Variants in AAGAB observed in about 807,000 individuals in gnomAD.
AAGAB encodes the protein alpha- and gamma-adaptin-binding protein p34.
AAGAB carries 38 observed loss-of-function variants against 44.1 expected under a neutral mutation model. The ratio of observed to expected loss-of-function variants is 0.86; its 90% CI spans 0.67 to 1.13. The LOEUF (loss-of-function observed/expected upper bound fraction) is 1.13, where lower values mean the gene tolerates loss of function less well. Ranked by LOEUF, AAGAB falls within the 50% of genes most tolerant of loss-of-function variation. The pLI is 0.00. For missense variants in AAGAB, 450 were observed against 373.8 expected, an observed-to-expected ratio of 1.20 and a Z score of -1.68; for synonymous variants, 131 against 131.8, an observed-to-expected ratio of 0.99 and a Z score of 0.04.
At chr15:67,229,607 G>A (rs1343843428) in intron 5 of AAGAB, among the ~76,000 whole-genome samples, 3 of 152,034 alleles carry the variant, frequency 2.0e-5, no homozygotes, top group Non-Finnish European at 4.4e-5. Flanking sequence ...AAGGAGGATG[G>A]AGAGAGGGGA....
Position 67,254,556 on chromosome 15 carries a change from C to A in AAGAB, c.73+3G>T, listed in dbSNP as rs745408900. On this transcript the variant is annotated splice_donor_region_variant and intron_variant, in intron 1 of 9. Transcript: ENST00000261880. ...AGGTCGGCCCAGGCGCCTATCTACT[C>A]ACGTTGGACCAGCTGGTCTCCTGAG... The A allele has an allele frequency of 6.2e-7, 1 of 1,606,408 alleles. No homozygotes were observed.
At chr15:67,218,935 A>G (rs1964009490) in intron 5 of AAGAB, among the ~76,000 whole-genome samples, 1 of 152,208 alleles carries the variant, frequency 6.6e-6, no homozygotes, top group African/African-American at 2.4e-5. Context: ...GAAAATTTCT[A>G]TGACTGGAGA....
rs2033783 is a variant in AAGAB at position 67,215,430 on chromosome 15, C to G, written c.536-5886G>C. Among the ~76,000 whole-genome samples the G allele has an allele frequency of 2.6e-5, 4 of 152,062 alleles. No individual in the cohort carries two copies. The South Asian group carries it at 8.3e-4, about 31-fold the overall frequency. ...ATTTCCATGACCACACCCCCCAACA[C>G]GCCTAACAGACCTCCTAGATATTTT... On this transcript the variant is annotated intron_variant, in intron 5 of 9. Coordinates refer to ENST00000261880, the MANE Select transcript of AAGAB (RefSeq NM_024666.5).
intron 1 of AAGAB, chr15:67,242,997 C>A (rs1186210609): frequency 6.6e-6 from 1 of 152,122 alleles, no homozygotes; most frequent in Non-Finnish European, 1.5e-5. Flanking sequence ...TCCACATGCT[C>A]GTAAGCTTTT....
chr15:67,234,612 C>G (rs1219303382), intron 4 of AAGAB, among the ~76,000 whole-genome samples: 1 of 152,116 alleles, frequency 6.6e-6, no homozygotes, highest in Non-Finnish European at 1.5e-5. Flanking sequence ...TCAAAAAACC[C>G]ATTTTAAGAT....
chr15:67,207,736 G>GT (rs1963718088), intron 7 of AAGAB, among the ~76,000 whole-genome samples: 1 of 152,096 alleles, frequency 6.6e-6, no homozygotes. Flanking sequence ...ACCCACTTCA[G>GT]TGTGATTACT....
At chr15:67,242,621 T>C (rs965976842) in intron 1 of AAGAB, 1 of 152,172 alleles carries the variant, frequency 6.6e-6, no homozygotes, top group Non-Finnish European at 1.5e-5. Context: ...ACTGCTCCAG[T>C]GGAAAGGGAC....
intron 3 of AAGAB, 22 bp downstream of exon 3, chr15:67,236,386 C>T: frequency 6.2e-7 from 1 of 1,601,524 alleles, no homozygotes; most frequent in Non-Finnish European, 8.6e-7. Context: ...GTACCAACTA[C>T]TGTCCCATCC....
At chr15:67,216,350 G>A (rs1963945521) in intron 5 of AAGAB, among the ~76,000 whole-genome samples, 1 of 148,038 alleles carries the variant, frequency 6.8e-6, no homozygotes, top group Admixed American at 6.9e-5. Flanking sequence ...GCTGACGCAG[G>A]AGAACTGCTT....
intron 6 of AAGAB, 63 bp downstream of exon 6, chr15:67,209,399 A>T (rs1054537703): frequency 3.1e-6 from 4 of 1,299,094 alleles, no homozygotes; most frequent in Non-Finnish European, 4.4e-6. Flanking sequence ...ATGTGTCAAG[A>T]TTCATAATGA....
At position 67,215,306 on chromosome 15, in the gene AAGAB, C is replaced by T. The variant is rs117437888; in HGVS notation, c.536-5762G>A. 1.7e-3 allele frequency among the ~76,000 whole-genome samples: 253 copies of T among 152,246 alleles called. 2 individuals are homozygous for T. Among genetic ancestry groups the T allele is most frequent in the Middle Eastern group, 3.4e-3 (1 of 294 alleles). ...TATACAGGAGAGATGCTGAAATATCCGCTGAATGTCTAATAGAACTGTCAG... is the reference window on the plus strand; with the variant it reads ...TATACAGGAGAGATGCTGAAATATCTGCTGAATGTCTAATAGAACTGTCAG... On this transcript the variant is annotated intron_variant, in intron 5 of 9. Coordinates refer to ENST00000261880, the MANE Select transcript of AAGAB (RefSeq NM_024666.5).
At position 67,209,463 on chromosome 15, in the gene AAGAB, T is replaced by A. The variant is rs781169916; in HGVS notation, c.617A>T (p.Glu206Val). The change falls in exon 6 of 10, where the codon GAG becomes GTG. Residue 206 changes from glutamate to valine, a missense_variant and splice_region_variant. Coordinates refer to ENST00000261880, the MANE Select transcript of AAGAB (RefSeq NM_024666.5). ...SIGSADPCHP[E>V]QPHLPAADST... is the part of the protein sequence containing the mutation. ...AAAAGATCCAAGAAAAACCTTTACC[T>A]CTGGGTGACAGGGATCTGCTGACCC... 1.2e-6 allele frequency: 2 copies of A among 1,613,570 alleles called. No individual in the cohort carries two copies. The highest frequency in any genetic ancestry group is 1.7e-6 in the Non-Finnish European group (2 of 1,179,538).
intron 1 of AAGAB, among the ~76,000 whole-genome samples, chr15:67,238,845 G>A (rs910100210): frequency 2.0e-5 from 3 of 151,990 alleles, no homozygotes; most frequent in Non-Finnish European, 4.4e-5. Context: ...ACAGGCACCC[G>A]CCACCATGCC....
intron 1 of AAGAB, among the ~76,000 whole-genome samples, chr15:67,246,023 T>C (rs1394044504): frequency 2.0e-5 from 3 of 152,180 alleles, no homozygotes; most frequent in African/African-American, 7.2e-5. Context: ...CAGGTCTGTA[T>C]GGAAAATTAA....
upstream of AAGAB, chr15:67,254,783 C>A (rs1448869549): frequency 9.7e-6 from 13 of 1,340,306 alleles, no homozygotes; most frequent in Non-Finnish European, 1.3e-5. Context: ...CCGCTCCCAG[C>A]GTGGAACAGG....
rs2140380807 is a variant in AAGAB at position 67,236,744 on chromosome 15, A to G, written c.150T>C (p.Asp50=). ...DAVRFYPWTI[D]NKYYSADINL... is the part of the protein sequence containing the mutation. ...TGATGTCTGCTGAATAGTATTTATT[A>G]TCAATGGTCCAGGGATAAAATCTCA... The change falls in exon 2 of 10, where the codon GAT becomes GAC. Residue 50 remains aspartate (D), a synonymous_variant. Transcript: ENST00000261880. The G allele has an allele frequency of 6.2e-7, 1 of 1,613,558 alleles. No homozygotes were observed. The highest frequency in any genetic ancestry group is 1.7e-4 in the Middle Eastern group (1 of 6,060).
intron 1 of AAGAB, among the ~76,000 whole-genome samples, chr15:67,246,651 C>G (rs1034907862): frequency 1.1e-4 from 16 of 151,672 alleles, no homozygotes; most frequent in Non-Finnish European, 7.4e-5. Flanking sequence ...TCTGTAAAAA[C>G]ACACCAATCA....
chr15:67,243,776 T>C (rs923028405), intron 1 of AAGAB, among the ~76,000 whole-genome samples: 1 of 152,222 alleles, frequency 6.6e-6, no homozygotes, highest in Admixed American at 6.5e-5. Flanking sequence ...AACTAGTCAT[T>C]ACAGTCAGGC....
At position 67,236,703 on chromosome 15, in the gene AAGAB, G is replaced by A; in HGVS notation, c.191C>T (p.Pro64Leu). ...YSADINLCVV[P>L]NKFLVTAEIA... ...CTCTGCAGTAACAAGAAATTTGTTTGGCACCACACATAGATTGATGTCTGC... is the reference window on the plus strand; with the variant it reads ...CTCTGCAGTAACAAGAAATTTGTTTAGCACCACACATAGATTGATGTCTGC... The change falls in exon 2 of 10, where the codon CCA becomes CTA. Residue 64 changes from proline (P) to leucine (L), a missense_variant. Pro to Leu is a moderately conservative substitution (Grantham distance 98). Coordinates refer to ENST00000261880, the MANE Select transcript of AAGAB (RefSeq NM_024666.5). 1 of 1,613,954 alleles carries A rather than the reference G, an allele frequency of 6.2e-7. No individual in the cohort carries two copies. The highest frequency in any genetic ancestry group is 8.5e-7 in the Non-Finnish European group (1 of 1,179,922).
Sources: allele counts gnomAD v4.1 joint callset (sites outside exome capture counted in the v4.1 genomes callset), GRCh38; gene constraint gnomAD v4.1.1; transcripts MANE v1.5; gene names NCBI Gene and HGNC (gene_info 2026-07-23, HGNC 2026-07-21).